The following CCNYL1 variants were observed in gnomAD, a reference collection of about 807,000 sequenced individuals.
CCNYL1 encodes the protein cyclin-Y-like protein 1.
CCNYL1 carries 16 observed loss-of-function variants against 44.2 expected under a neutral mutation model. The observed-to-expected ratio is 0.36, with a 90% CI of 0.25 to 0.55. CCNYL1 has a LOEUF of 0.55. Among genes scored for constraint, CCNYL1 ranks in the 20% least tolerant of loss-of-function variants. CCNYL1 has a pLI of 0.85. For missense variants in CCNYL1, 348 were observed against 451.8 expected (o/e 0.77, Z 2.08); for synonymous variants, 159 against 163.2 (o/e 0.97, Z 0.20).
intron 3 of CCNYL1, among the ~76,000 whole-genome samples, chr2:207,729,043 C>T (rs749263769): frequency 6.6e-6 from 1 of 151,974 alleles, no homozygotes; most frequent in Admixed American, 6.6e-5. Flanking sequence ...GTGATCTGCC[C>T]GCCTCGGCGT....
At chr2:207,742,745 G>A (rs1295621707) in intron 7 of CCNYL1, among the ~76,000 whole-genome samples, 1 of 152,112 alleles carries the variant, frequency 6.6e-6, no homozygotes, top group African/African-American at 2.4e-5. Context: ...TATTCCCCAG[G>A]TATTTCCGAT....
chr2:207,740,998 G>A (rs1004560107), intron 6 of CCNYL1, among the ~76,000 whole-genome samples: 3 of 152,150 alleles, frequency 2.0e-5, no homozygotes, highest in Non-Finnish European at 4.4e-5. Flanking sequence ...GCTCATGCCT[G>A]TAATCTCAGC....
intron 3 of CCNYL1, among the ~76,000 whole-genome samples, chr2:207,731,183 T>C (rs1281728946): frequency 6.6e-6 from 1 of 152,162 alleles, no homozygotes; most frequent in East Asian, 1.9e-4. Flanking sequence ...TCTTTTTTTT[T>C]TTTGAGACGG....
In CCNYL1 at chr2:207,747,204, T is replaced by G; in HGVS notation, c.797T>G (p.Val266Gly). Residue 266 changes from valine to glycine, a missense_variant, in exon 8 of 10, where the codon GTT (valine) becomes GGT (glycine). Coordinates refer to ENST00000295414, the MANE Select transcript of CCNYL1 (RefSeq NM_001330218.2). Reference sequence around the variant, plus strand: ...TGCCAGATCCTCAAGGACATTACAGTTGAGGACATGTGAGTTTGTAAGGTT... The same window carrying G: ...TGCCAGATCCTCAAGGACATTACAGGTGAGGACATGTGAGTTTGTAAGGTT... ...DYCQILKDITVEDMNEMERHF... is the reference protein window; with the variant it reads ...DYCQILKDITGEDMNEMERHF... The G allele has an allele frequency of 6.2e-7, 1 of 1,607,374 alleles. No individual in the cohort carries two copies. The highest frequency in any genetic ancestry group is 8.5e-7 in the Non-Finnish European group (1 of 1,175,152).
intron 7 of CCNYL1, among the ~76,000 whole-genome samples, chr2:207,743,678 C>A (rs1349117383): frequency 6.6e-6 from 1 of 152,080 alleles, no homozygotes; most frequent in Non-Finnish European, 1.5e-5. Flanking sequence ...AAGGAGGAAA[C>A]CCAGGAGAAG....
intron 5 of CCNYL1, among the ~76,000 whole-genome samples, chr2:207,738,742 CAG>C (rs1384048983): frequency 1.4e-4 from 21 of 150,046 alleles, no homozygotes; most frequent in African/African-American, 4.2e-4. Flanking sequence ...TTTTTTGAGA[CAG>C]AGTCTCATTC....
chr2:207,713,797 A>G (rs2105814691), intron 1 of CCNYL1, among the ~76,000 whole-genome samples: 1 of 152,344 alleles, frequency 6.6e-6, no homozygotes, highest in African/African-American at 2.4e-5. Flanking sequence ...AGACATTGTG[A>G]AAGAATGAAC....
rs11412847 is a variant in CCNYL1 at position 207,719,302 on chromosome 2, C to CTTT, written c.221-5484_221-5482dup. Among the ~76,000 whole-genome samples the CTTT allele has an allele frequency of 3.2e-4, 43 of 133,010 alleles. 1 individual carries two copies. Among genetic ancestry groups the CTTT allele is most frequent in the South Asian group, 6.9e-4 (3 of 4,342 alleles). 87.3% of individuals were successfully genotyped at this position (133,010 alleles called of 152,430 possible). On this transcript the variant is annotated intron_variant, in intron 1 of 9. Coordinates refer to ENST00000295414, the MANE Select transcript of CCNYL1 (RefSeq NM_001330218.2). ...TGCATTATGTGGTATATAGCAATTGCTTTTTTTTTTTTTTTTGAGATGGAG... is the reference window on the plus strand; with the variant it reads ...TGCATTATGTGGTATATAGCAATTGCTTTTTTTTTTTTTTTTTTTGAGATGGAG...
chr2:207,734,702 T>C (rs1432191037), intron 4 of CCNYL1, among the ~76,000 whole-genome samples: 1 of 152,218 alleles, frequency 6.6e-6, no homozygotes, highest in Non-Finnish European at 1.5e-5. Flanking sequence ...AATGTCCTTA[T>C]CCCTAATTTT....
intron 1 of CCNYL1, among the ~76,000 whole-genome samples, chr2:207,722,458 G>C (rs566313308): frequency 6.6e-6 from 1 of 152,020 alleles, no homozygotes; most frequent in Non-Finnish European, 1.5e-5. Flanking sequence ...GATTTGGGGC[G>C]GGGGAGGTGT....
intron 8 of CCNYL1, among the ~76,000 whole-genome samples, chr2:207,749,086 G>T (rs1369060386): frequency 2.0e-5 from 3 of 152,152 alleles, no homozygotes; most frequent in Non-Finnish European, 4.4e-5. Context: ...GAACCTGCAG[G>T]GAAATGTGCA....
chr2:207,728,025 G>A (rs1338194474), intron 3 of CCNYL1, among the ~76,000 whole-genome samples: 2 of 150,166 alleles, frequency 1.3e-5, no homozygotes, highest in Non-Finnish European at 3.0e-5. Context: ...GTGCAGTGGT[G>A]CGATCTCAGC....
chr2:207,719,823 G>C (rs921169631), intron 1 of CCNYL1, among the ~76,000 whole-genome samples: 2 of 151,558 alleles, frequency 1.3e-5, no homozygotes, highest in Non-Finnish European at 2.9e-5. Flanking sequence ...CCACTTCCTG[G>C]GCTCAAGTGA....
chr2:207,731,242 G>A (rs1003066108), intron 3 of CCNYL1, among the ~76,000 whole-genome samples: 5 of 152,122 alleles, frequency 3.3e-5, no homozygotes, highest in African/African-American at 9.6e-5. Context: ...AAAATTAGAG[G>A]CAGTAGGCAC....
At chr2:207,748,211 C>A (rs62189199) in intron 8 of CCNYL1, among the ~76,000 whole-genome samples, 23,607 of 152,132 alleles carry the variant, frequency 0.16, 3,028 homozygotes, top group East Asian at 0.38. Flanking sequence ...AATTGGTCTC[C>A]TGAGTTAGGA....
intron 9 of CCNYL1, among the ~76,000 whole-genome samples, chr2:207,751,518 A>G (rs1385482507): frequency 1.3e-5 from 2 of 151,968 alleles, no homozygotes; most frequent in Non-Finnish European, 2.9e-5. Context: ...TCAGGAGTTC[A>G]AGACCAGCCT....
chr2:207,729,796 A>T (rs1234169588), intron 3 of CCNYL1, among the ~76,000 whole-genome samples: 1 of 151,330 alleles, frequency 6.6e-6, no homozygotes, highest in Non-Finnish European at 1.5e-5. Context: ...CCAAGATGCA[A>T]CCTCTTCCTC....
chr2:207,725,187 T>C (rs1348704621), intron 2 of CCNYL1, among the ~76,000 whole-genome samples: 1 of 150,336 alleles, frequency 6.7e-6, no homozygotes, highest in African/African-American at 2.4e-5. Context: ...AGTGCAATGA[T>C]GTGGCCTCAG....
chr2:207,750,847 T>G, intron 8 of CCNYL1, 110 bp from the exon 9 acceptor site: 1 of 911,708 alleles, frequency 1.1e-6, no homozygotes, highest in South Asian at 1.8e-5. Flanking sequence ...TAGCCTATAT[T>G]TTAAAATAGA....
Sources: gnomAD v4.1 joint callset for allele counts (sites outside exome capture counted in the v4.1 genomes callset) on GRCh38, gnomAD v4.1.1 for gene constraint, MANE v1.5 for transcripts, NCBI Gene and HGNC (gene_info 2026-07-23, HGNC 2026-07-21) for gene names.